The following SLIT1 variants were observed in gnomAD, a reference collection of about 807,000 sequenced individuals.
SLIT1 encodes slit homolog 1 protein.
In SLIT1, 66 loss-of-function variants were observed where a neutral mutation model predicts 186.1. The observed-to-expected ratio is 0.35, with a 90% CI of 0.29 to 0.44. The LOEUF is 0.44. Among genes scored for constraint, SLIT1 ranks in the 20% least tolerant of loss-of-function variants. The pLI is 1.00. For missense variants in SLIT1, 1,638 were observed against 2,037.4 expected (o/e 0.80, Z 3.77); for synonymous variants, 761 against 833.8 (o/e 0.91, Z 1.50).
At chr10:97,156,546 C>G (rs138311799) in intron 4 of SLIT1, among the ~76,000 whole-genome samples, 1 of 152,152 alleles carries the variant, frequency 6.6e-6, no homozygotes, top group African/African-American at 2.4e-5. Flanking sequence ...CCACTGTATT[C>G]GGCCTGGGTG....
At chr10:97,045,078 C>T (rs1848723055) in intron 18 of SLIT1, among the ~76,000 whole-genome samples, 1 of 152,210 alleles carries the variant, frequency 6.6e-6, no homozygotes, top group African/African-American at 2.4e-5. Flanking sequence ...CGCCAGAACC[C>T]ATCCATGCTG....
At chr10:97,018,945 A>G (rs1299648896) in intron 27 of SLIT1, 38 bp downstream of exon 27, 1 of 1,327,022 alleles carries the variant, frequency 7.5e-7, no homozygotes, top group East Asian at 2.3e-5. Flanking sequence ...AGTGTACACG[A>G]AGAGCCCTCC....
chr10:97,125,533 C>CAAA (rs34143370), intron 4 of SLIT1, among the ~76,000 whole-genome samples: 1,230 of 115,424 alleles, frequency 0.011, 22 homozygotes, highest in African/African-American at 0.016. Context: ...GACCCTGTGT[C>CAAA]AAAAAAAAAA....
intron 4 of SLIT1, among the ~76,000 whole-genome samples, chr10:97,141,061 G>A (rs1227489062): frequency 6.6e-6 from 1 of 152,076 alleles, no homozygotes; most frequent in African/African-American, 2.4e-5. Context: ...AGTCCTCCAC[G>A]GCTCCCTTGT....
chr10:97,107,336 A>C (rs1335062176), intron 4 of SLIT1, among the ~76,000 whole-genome samples: 1 of 151,866 alleles, frequency 6.6e-6, no homozygotes, highest in African/African-American at 2.4e-5. Flanking sequence ...GTAAAGACTC[A>C]CTCCCTCTCC....
chr10:97,143,290 T>C (rs1849784153), intron 4 of SLIT1, among the ~76,000 whole-genome samples: 1 of 152,212 alleles, frequency 6.6e-6, no homozygotes, highest in African/African-American at 2.4e-5. Flanking sequence ...AATGGCATAC[T>C]ATCCAGCCTT....
At position 96,999,934 on chromosome 10, in the gene SLIT1, G is replaced by GAT. The variant is rs920842207; in HGVS notation, c.*1176_*1177dup. On this transcript the variant is annotated 3_prime_UTR_variant, in exon 37 of 37. Coordinates refer to ENST00000266058, the MANE Select transcript of SLIT1 (RefSeq NM_003061.3). ...ACTTTTGATGTGATCAATGTAGATA[G>GAT]ATAGATAGATAGATAGGTCTTCTAA... 3.0e-4 allele frequency: 40 copies of GAT among 135,182 alleles called. No individual in the cohort carries two copies. Among genetic ancestry groups the GAT allele is most frequent in the African/African-American group, 8.7e-4 (33 of 37,914 alleles). The allele number at this position is 135,182 out of a possible 1,614,324, so 8.4% of individuals were successfully genotyped here. A position where few individuals can be genotyped will look rare whatever the true frequency, so the allele number is the denominator to read the frequency against.
chr10:97,142,362 T>C (rs560206824), intron 4 of SLIT1, among the ~76,000 whole-genome samples: 83 of 152,242 alleles, frequency 5.5e-4, no homozygotes, highest in African/African-American at 1.9e-3. Context: ...TCAAGATCAT[T>C]TAATGAGGAA....
rs1009390458 is a variant in SLIT1 at position 97,017,970 on chromosome 10, T to C, written c.2969+616A>G. Among the ~76,000 whole-genome samples the C allele has an allele frequency of 4.0e-5, 6 of 150,908 alleles. 1 individual carries two copies. Among genetic ancestry groups the C allele is most frequent in the Non-Finnish European group, 8.8e-5 (6 of 67,850 alleles). On this transcript the variant is annotated intron_variant, in intron 28 of 36. Transcript: ENST00000266058. The stretch of plus-strand genomic sequence containing the variant: ...TTCAAGCGATTCTCCTGCCTCAGCC[T>C]CCGGAGTAGCTGGGATTACAGGCGC...
chr10:97,173,121 G>A (rs1285477996), intron 1 of SLIT1, among the ~76,000 whole-genome samples: 8 of 152,098 alleles, frequency 5.3e-5, no homozygotes, highest in South Asian at 2.1e-4. Context: ...AGGAAATAGC[G>A]TCCTTAGGGT....
chr10:97,085,964 G>A (rs1489009422), intron 4 of SLIT1, among the ~76,000 whole-genome samples: 1 of 152,216 alleles, frequency 6.6e-6, no homozygotes. Context: ...AACGCCAGTG[G>A]CAAGAATGTG....
chr10:97,134,043 G>T (rs1849678830), intron 4 of SLIT1, among the ~76,000 whole-genome samples: 1 of 152,194 alleles, frequency 6.6e-6, no homozygotes, highest in South Asian at 2.1e-4. Context: ...GCGCTATCAG[G>T]CCTGAGGGCT....
intron 4 of SLIT1, among the ~76,000 whole-genome samples, chr10:97,119,912 G>GATATATATATAT (rs1564680617): frequency 1.3e-4 from 2 of 15,840 alleles, no homozygotes; most frequent in East Asian, 3.1e-3. Flanking sequence ...TTTCCAAAGG[G>GATATATATATAT]GTATATATAT....
At chr10:97,182,465 C>T (rs992350211) in intron 1 of SLIT1, among the ~76,000 whole-genome samples, 2 of 152,194 alleles carry the variant, frequency 1.3e-5, no homozygotes, top group Admixed American at 1.3e-4. Context: ...TTTGAGTCTG[C>T]CTGGGCTCTC....
chr10:97,029,432 G>C (rs1848572910), intron 25 of SLIT1, among the ~76,000 whole-genome samples: 1 of 152,188 alleles, frequency 6.6e-6, no homozygotes, highest in Non-Finnish European at 1.5e-5. Flanking sequence ...GGGGCTGACA[G>C]CAAAAGGAGA....
At chr10:97,013,691 G>A in intron 30 of SLIT1, 50 bp downstream of exon 30, 1 of 1,362,876 alleles carries the variant, frequency 7.3e-7, no homozygotes, top group Non-Finnish European at 1.0e-6. Context: ...AATCCAGTCT[G>A]ACTCAGGGGC....
chr10:97,164,055 A>G (rs1416101760), intron 2 of SLIT1, among the ~76,000 whole-genome samples: 2 of 152,220 alleles, frequency 1.3e-5, no homozygotes, highest in Non-Finnish European at 2.9e-5. Flanking sequence ...GCCCACGCCA[A>G]CTGAACCACC....
chr10:97,057,728 C>A, intron 11 of SLIT1: 1 of 445,564 alleles, frequency 2.2e-6, no homozygotes, highest in Middle Eastern at 6.1e-4. Context: ...AGTGTGAGAT[C>A]CGGATGGTGG....
At chr10:97,115,488 G>A (rs1356836763) in intron 4 of SLIT1, among the ~76,000 whole-genome samples, 1 of 152,156 alleles carries the variant, frequency 6.6e-6, no homozygotes, top group Non-Finnish European at 1.5e-5. Context: ...GTGCCTGTAA[G>A]TTTGCAAATG....
Sources: gnomAD v4.1 joint callset for allele counts (sites outside exome capture counted in the v4.1 genomes callset) on GRCh38, gnomAD v4.1.1 for gene constraint, MANE v1.5 for transcripts, NCBI Gene and HGNC (gene_info 2026-07-23, HGNC 2026-07-21) for gene names.